HFM1: variants seen among roughly 807,000 people sequenced by gnomAD.
HFM1 encodes helicase for meiosis 1.
A neutral mutation model predicts 192.1 loss-of-function variants in HFM1; 169 were observed. That is an observed-to-expected ratio of 0.88 (90% confidence interval 0.78 to 1.00). HFM1 has a LOEUF of 1.00. HFM1 is among the 50% of genes least tolerant of loss of function. The probability of loss-of-function intolerance (pLI) is 0.00; values close to 1 mark genes in which losing one functional copy is unlikely to be tolerated. For synonymous variants in HFM1, 525 were observed against 537.8 expected (o/e 0.98, Z 0.33); for missense variants, 1,661 against 1,668.0 (o/e 1.00, Z 0.07).
rs978386028 is a variant in HFM1 at position 91,296,162 on chromosome 1, G to A, written c.3391+17187C>T. 3.3e-5 allele frequency among the ~76,000 whole-genome samples: 5 copies of A among 152,044 alleles called. No individual in the cohort carries two copies. The South Asian group carries it at 6.2e-4, about 19-fold the overall frequency. On this transcript the variant is annotated intron_variant, in intron 30 of 38. Transcript: ENST00000370425. ...ACTCAATCTCCTGACCTCATGATCC[G>A]CCCACCTTGGCCTCCCAAAATGCTG...
chr1:91,372,250 AG>A (rs1228201029), intron 13 of HFM1, among the ~76,000 whole-genome samples: 4 of 152,226 alleles, frequency 2.6e-5, no homozygotes, highest in African/African-American at 9.6e-5. Context: ...ATATACCCAA[AG>A]GATTACAAAT....
intron 13 of HFM1, among the ~76,000 whole-genome samples, chr1:91,370,408 C>A (rs981652888): frequency 3.3e-5 from 5 of 152,212 alleles, no homozygotes; most frequent in African/African-American, 1.2e-4. Flanking sequence ...AAGTGGGCTT[C>A]ATCCCTGGGA....
chr1:91,316,376 A>G lies in HFM1; in HGVS notation c.2898+15T>C. 2.9e-6 allele frequency: 4 copies of G among 1,390,570 alleles called. No homozygotes were observed. Among genetic ancestry groups the G allele is most frequent in the Non-Finnish European group, 4.0e-6 (4 of 997,844 alleles). The allele number at this position is 1,390,570 out of a possible 1,614,324, so 86.1% of individuals were successfully genotyped here. On this transcript the variant is annotated intron_variant, in intron 26 of 38. Transcript: ENST00000370425. The stretch of plus-strand genomic sequence containing the variant: ...CAGAATTTAGATGGAATTAGGAATA[A>G]GTGAATATAACTACCAATTCAAGTT...
chr1:91,387,772 C>T (rs1396683112), intron 4 of HFM1, among the ~76,000 whole-genome samples: 1 of 53,742 alleles, frequency 1.9e-5, no homozygotes, highest in East Asian at 4.1e-4. Context: ...GTGGTGGGGT[C>T]GGGGGAGGGG....
At chr1:91,347,848 C>A (rs1316396733) in intron 18 of HFM1, among the ~76,000 whole-genome samples, 1 of 152,122 alleles carries the variant, frequency 6.6e-6, no homozygotes, top group Non-Finnish European at 1.5e-5. Flanking sequence ...TAATTTCACT[C>A]CTAGGCACAT....
chr1:91,299,825 A>G (rs1436301265), intron 30 of HFM1, among the ~76,000 whole-genome samples: 3 of 152,224 alleles, frequency 2.0e-5, no homozygotes, highest in South Asian at 2.1e-4. Context: ...GCCCACAAGA[A>G]AAAGCAGGAA....
chr1:91,404,900 G>GC, upstream of HFM1: 1 of 454,632 alleles, frequency 2.2e-6, no homozygotes, highest in Non-Finnish European at 4.4e-6. Flanking sequence ...GATCGCCCAA[G>GC]CCCCCAACCT....
At position 91,353,302 on chromosome 1, in the gene HFM1, A is replaced by C; in HGVS notation, c.1686-3T>G. On this transcript the variant is annotated splice_polypyrimidine_tract_variant and splice_region_variant and intron_variant, in intron 13 of 38. Transcript: ENST00000370425. ...CGGAATATGCATACTTCTGTAACCT[A>C]TTTAAAAATACCATAAAATTATTGA... 1 of 1,506,326 alleles carries C rather than the reference A, an allele frequency of 6.6e-7. No homozygotes were observed. The highest frequency in any genetic ancestry group is 9.1e-7 in the Non-Finnish European group (1 of 1,094,276). 93.3% of individuals were successfully genotyped at this position (1,506,326 alleles called of 1,614,324 possible). A position where few individuals can be genotyped will look rare whatever the true frequency, so the allele number is the denominator to read the frequency against.
chr1:91,342,151 A>AC lies in HFM1; in HGVS notation c.2335+1278_2335+1279insG, dbSNP rs58288889. Among the ~76,000 whole-genome samples the AC allele has an allele frequency of 1.4e-4, 16 of 111,802 alleles. 1 individual carries two copies. Among genetic ancestry groups the AC allele is most frequent in the Non-Finnish European group, 2.3e-4 (13 of 57,750 alleles). The allele number at this position is 111,802 out of a possible 152,430, so 73.3% of individuals were successfully genotyped here. ...ACACAATGAAAAAAAAAAAAAAAAA[A>AC]TTCAGGCGAATATTCCTGATGAACA... On this transcript the variant is annotated intron_variant, in intron 20 of 38. Coordinates refer to ENST00000370425, the MANE Select transcript of HFM1 (RefSeq NM_001017975.6).
rs755257609 is a variant in HFM1, at chr1:91,324,714, T to C, written c.2388A>G (p.Lys796=). The C allele has an allele frequency of 2.6e-6, 4 of 1,567,814 alleles. No homozygotes were observed. Among genetic ancestry groups the C allele is most frequent in the Non-Finnish European group, 3.5e-6 (4 of 1,139,196 alleles). The change falls in exon 21 of 39, where the codon AAA becomes AAG. Residue 796 remains lysine (K), a synonymous_variant. Transcript: ENST00000370425. ...TTTCTTTTCCACTGATTGTATAAAATTTCTTCACTGTCTCAAATGTAATAT... is the reference window on the plus strand; with the variant it reads ...TTTCTTTTCCACTGATTGTATAAAACTTCTTCACTGTCTCAAATGTAATAT... ...WYYITFETVK[K]FYTISGKETL...
intron 30 of HFM1, among the ~76,000 whole-genome samples, chr1:91,312,502 T>C (rs1473157183): frequency 6.6e-6 from 1 of 152,218 alleles, no homozygotes; most frequent in African/African-American, 2.4e-5. Context: ...ATGGGGCCTG[T>C]AAGCCCTTTG....
chr1:91,288,074 G>A (rs970626918), intron 30 of HFM1, among the ~76,000 whole-genome samples: 6 of 151,636 alleles, frequency 4.0e-5, no homozygotes, highest in Non-Finnish European at 8.8e-5. Context: ...ATGGAACCAA[G>A]TTGGAAAACA....
At chr1:91,343,811 A>C (rs985615215) in intron 19 of HFM1, among the ~76,000 whole-genome samples, 1 of 152,234 alleles carries the variant, frequency 6.6e-6, no homozygotes, top group African/African-American at 2.4e-5. Context: ...TAATCTTCAA[A>C]ACATCACAAT....
intron 30 of HFM1, among the ~76,000 whole-genome samples, chr1:91,294,510 C>T (rs1421542230): frequency 6.6e-6 from 1 of 152,168 alleles, no homozygotes; most frequent in African/African-American, 2.4e-5. Context: ...GTTCATGGGC[C>T]AACCATCTAT....
rs1652359881 is a variant in HFM1 at position 91,322,991 on chromosome 1, T to G, written c.2541A>C (p.Pro847=). 6 of 1,374,822 alleles carry G rather than the reference T, an allele frequency of 4.4e-6. No individual in the cohort carries two copies. Among genetic ancestry groups the G allele is most frequent in the Non-Finnish European group, 5.9e-6 (6 of 1,022,006 alleles). 85.2% of individuals were successfully genotyped at this position (1,374,822 alleles called of 1,614,324 possible). The change falls in exon 23 of 39, where the codon CCA becomes CCC. Residue 847 remains proline, a synonymous_variant. Coordinates refer to ENST00000370425, the MANE Select transcript of HFM1 (RefSeq NM_001017975.6). ...CTCTTGTTTTAATTCTTCCTTCCATTGGAAATCTGTAAATAAAACCACATG... is the reference window on the plus strand; with the variant it reads ...CTCTTGTTTTAATTCTTCCTTCCATGGGAAATCTGTAAATAAAACCACATG... ...KDPNRITIRF[P]MEGRIKTREM... is the part of the protein sequence containing the mutation.
At chr1:91,366,932 C>G (rs1010800154) in intron 13 of HFM1, among the ~76,000 whole-genome samples, 1 of 152,204 alleles carries the variant, frequency 6.6e-6, no homozygotes, top group South Asian at 2.1e-4. Context: ...TCCTAATGGT[C>G]TTAGCAAACG....
intron 34 of HFM1, 152 bp downstream of exon 34, chr1:91,273,560 A>G: frequency 1.8e-6 from 1 of 540,728 alleles, no homozygotes; most frequent in Non-Finnish European, 3.3e-6. Context: ...CAGACCCAAG[A>G]ATTTGAAAAT....
chr1:91,385,237 G>GA lies in HFM1; in HGVS notation c.755-4dup, dbSNP rs558984984. 2.1e-3 allele frequency: 3,104 copies of GA among 1,470,010 alleles called. No homozygotes were observed. The highest frequency in any genetic ancestry group is 2.5e-3 in the Non-Finnish European group (2,703 of 1,071,718). The allele number at this position is 1,470,010 out of a possible 1,614,324, so 91.1% of individuals were successfully genotyped here. A position where few individuals can be genotyped will look rare whatever the true frequency, so the allele number is the denominator to read the frequency against. ...ACCTAAACCATTTTCTGTTACCTCT[G>GA]AAAAAAAAATGCTACATATTTATAT... On this transcript the variant is annotated splice_polypyrimidine_tract_variant and splice_region_variant and intron_variant, in intron 5 of 38. Transcript: ENST00000370425.
At chr1:91,344,268 T>C (rs560150649) in intron 19 of HFM1, among the ~76,000 whole-genome samples, 1 of 152,304 alleles carries the variant, frequency 6.6e-6, no homozygotes, top group African/African-American at 2.4e-5. Context: ...ACAGTGGGAA[T>C]ACTGTAATAG....
Sources: gnomAD v4.1 joint callset for allele counts (sites outside exome capture counted in the v4.1 genomes callset) on GRCh38, gnomAD v4.1.1 for gene constraint, MANE v1.5 for transcripts, NCBI Gene and HGNC (gene_info 2026-07-23, HGNC 2026-07-21) for gene names.